Variants in GRIK2 observed in about 807,000 individuals in gnomAD.
GRIK2 encodes glutamate receptor ionotropic, kainate 2.
Under a neutral mutation model 100.3 loss-of-function variants are expected in GRIK2, and 32 were observed. That is an observed-to-expected ratio of 0.32 (90% confidence interval 0.24 to 0.43). The LOEUF (loss-of-function observed/expected upper bound fraction) is 0.43, where lower values mean the gene tolerates loss of function less well. GRIK2 is among the 20% of genes least tolerant of loss of function. The pLI, the probability that GRIK2 is intolerant of heterozygous loss-of-function variation, is 1.00. For synonymous variants in GRIK2, 417 were observed against 389.4 expected (o/e 1.07, Z -0.83); for missense variants, 843 against 1,114.9 (o/e 0.76, Z 3.47).
At chr6:101,413,547 T>A (rs1017523088) in intron 2 of GRIK2, among the ~76,000 whole-genome samples, 1 of 152,132 alleles carries the variant, frequency 6.6e-6, no homozygotes, top group Non-Finnish European at 1.5e-5. Flanking sequence ...TATAAAAATT[T>A]ATCTAAAACA....
chr6:101,403,565 TC>T (rs1775441232), intron 2 of GRIK2, among the ~76,000 whole-genome samples: 1 of 152,196 alleles, frequency 6.6e-6, no homozygotes, highest in Non-Finnish European at 1.5e-5. Flanking sequence ...CAGAAAGTGT[TC>T]CTATGGAAAT....
chr6:101,771,747 T>A (rs1778422513), intron 7 of GRIK2, among the ~76,000 whole-genome samples: 1 of 143,394 alleles, frequency 7.0e-6, no homozygotes, highest in Admixed American at 7.2e-5. Context: ...GTGTTCTCAT[T>A]GTTCAATTCC....
intron 14 of GRIK2, among the ~76,000 whole-genome samples, chr6:101,958,560 A>G (rs1216488959): frequency 6.6e-6 from 1 of 151,908 alleles, no homozygotes; most frequent in Non-Finnish European, 1.5e-5. Flanking sequence ...TTCCAGGACT[A>G]TGTTGAATAT....
At chr6:101,548,071 T>A (rs1328560753) in intron 2 of GRIK2, among the ~76,000 whole-genome samples, 1 of 152,030 alleles carries the variant, frequency 6.6e-6, no homozygotes, top group Non-Finnish European at 1.5e-5. Flanking sequence ...TGATGGCCAG[T>A]GATGATGAGC....
At chr6:101,975,456 A>G (rs1793305341) in intron 14 of GRIK2, among the ~76,000 whole-genome samples, 1 of 152,004 alleles carries the variant, frequency 6.6e-6, no homozygotes, top group Non-Finnish European at 1.5e-5. Context: ...AGGGAAACCA[A>G]GAAAAGGGCT....
intron 10 of GRIK2, among the ~76,000 whole-genome samples, chr6:101,833,034 A>T (rs186679940): frequency 1.3e-5 from 2 of 152,334 alleles, no homozygotes; most frequent in Non-Finnish European, 2.9e-5. Context: ...TTATTGGGAT[A>T]GATTTCTGTG....
At chr6:102,066,360 G>A (rs1248666075) in intron 16 of GRIK2, among the ~76,000 whole-genome samples, 1 of 151,302 alleles carries the variant, frequency 6.6e-6, no homozygotes. Flanking sequence ...GCAGTGCCGT[G>A]AGAACTTGAC....
Position 101,723,159 on chromosome 6 carries a change from A to G in GRIK2, c.951+36806A>G, listed in dbSNP as rs916751819. 6.6e-5 allele frequency among the ~76,000 whole-genome samples: 10 copies of G among 152,216 alleles called. No homozygotes were observed. The South Asian group carries it at 1.0e-3, about 16-fold the overall frequency. The stretch of plus-strand genomic sequence containing the variant: ...AGTCAGTATTGTCGTCTTCAAATGC[A>G]AAGGATAACAAGTAATTTCTCCATG... On this transcript the variant is annotated intron_variant, in intron 7 of 16. Transcript: ENST00000369134.
intron 12 of GRIK2, among the ~76,000 whole-genome samples, chr6:101,899,536 T>C (rs1303012159): frequency 1.3e-5 from 2 of 152,112 alleles, no homozygotes; most frequent in Non-Finnish European, 2.9e-5. Flanking sequence ...AAGGATGATT[T>C]TTCTCTTTCC....
At chr6:101,678,993 T>C (rs535726458) in intron 5 of GRIK2, among the ~76,000 whole-genome samples, 2 of 152,314 alleles carry the variant, frequency 1.3e-5, no homozygotes, top group East Asian at 3.9e-4. Context: ...CTAATTGGCA[T>C]GCATGCCTCC....
intron 4 of GRIK2, among the ~76,000 whole-genome samples, chr6:101,646,191 C>T (rs1298304837): frequency 6.6e-6 from 1 of 151,834 alleles, no homozygotes; most frequent in Non-Finnish European, 1.5e-5. Context: ...GTAGTAGATG[C>T]TTAATGCACA....
intron 14 of GRIK2, among the ~76,000 whole-genome samples, chr6:102,033,941 G>T (rs9498812): frequency 0.082 from 12,407 of 151,192 alleles, 1,722 homozygotes; most frequent in African/African-American, 0.29. Flanking sequence ...AAGTTGGTTG[G>T]TTTTCAGTTG....
chr6:101,829,919 G>C (rs781778379), intron 10 of GRIK2, among the ~76,000 whole-genome samples: 1 of 151,608 alleles, frequency 6.6e-6, no homozygotes, highest in Non-Finnish European at 1.5e-5. Flanking sequence ...ATTTGAAAAA[G>C]AAACTATTCT....
At chr6:101,968,566 G>A (rs1276286573) in intron 14 of GRIK2, among the ~76,000 whole-genome samples, 2 of 151,932 alleles carry the variant, frequency 1.3e-5, no homozygotes, top group Non-Finnish European at 2.9e-5. Flanking sequence ...TCTACAATAT[G>A]AAACAATCAT....
chr6:102,043,828 C>G (rs1438547943), intron 15 of GRIK2, among the ~76,000 whole-genome samples: 1 of 152,050 alleles, frequency 6.6e-6, no homozygotes, highest in African/African-American at 2.4e-5. Context: ...CACATTCCCA[C>G]CAACAGTATG....
At chr6:101,498,389 G>A (rs1322690635) in intron 2 of GRIK2, among the ~76,000 whole-genome samples, 2 of 152,036 alleles carry the variant, frequency 1.3e-5, no homozygotes, top group Non-Finnish European at 2.9e-5. Context: ...TCCCAGTAAT[G>A]AGATGGCTGG....
intron 2 of GRIK2, among the ~76,000 whole-genome samples, chr6:101,414,976 T>C (rs377335194): frequency 2.0e-5 from 3 of 149,160 alleles, no homozygotes; most frequent in African/African-American, 7.5e-5. Context: ...GTGTGTGTGG[T>C]GTGTGGTGTG....
At chr6:101,613,977 A>G (rs1312304514) in intron 2 of GRIK2, among the ~76,000 whole-genome samples, 1 of 151,712 alleles carries the variant, frequency 6.6e-6, no homozygotes, top group Non-Finnish European at 1.5e-5. Flanking sequence ...GGATTAATAT[A>G]TGGGAGAACT....
At chr6:101,691,992 C>T (rs1772131851) in intron 7 of GRIK2, among the ~76,000 whole-genome samples, 1 of 129,020 alleles carries the variant, frequency 7.8e-6, no homozygotes, top group Non-Finnish European at 1.5e-5. Context: ...GTTGAGGCTG[C>T]AGTGAACAGT....
Sources: gnomAD v4.1 joint callset for allele counts (sites outside exome capture counted in the v4.1 genomes callset) on GRCh38, gnomAD v4.1.1 for gene constraint, MANE v1.5 for transcripts, NCBI Gene and HGNC (gene_info 2026-07-23, HGNC 2026-07-21) for gene names.